SRR: variants seen among roughly 807,000 people sequenced by gnomAD.
The protein encoded by SRR is D-serine ammonia-lyase.
In SRR, 19 loss-of-function variants were observed where a neutral mutation model predicts 32.7. That is an observed-to-expected ratio of 0.58 (90% confidence interval 0.40 to 0.85). The LOEUF is 0.85. Ranked by LOEUF, SRR falls within the 40% of genes least tolerant of loss-of-function variation. The pLI is 0.00. For synonymous variants in SRR, 142 were observed against 140.9 expected (o/e 1.01, Z -0.06); for missense variants, 373 against 404.7 (o/e 0.92, Z 0.67).
intron 1 of SRR, among the ~76,000 whole-genome samples, 200 bp downstream of exon 1, chr17:2,304,217 A>ACCTT (rs1412492236): frequency 6.7e-6 from 1 of 150,256 alleles, no homozygotes; most frequent in Non-Finnish European, 1.5e-5. Flanking sequence ...ATTACTTGGG[A>ACCTT]CCTTGAAGAT....
At chr17:2,317,336 C>G (rs1415258336) in intron 2 of SRR, among the ~76,000 whole-genome samples, 1 of 151,404 alleles carries the variant, frequency 6.6e-6, no homozygotes, top group Non-Finnish European at 1.5e-5. Flanking sequence ...ACGGGGAAAC[C>G]CCGTCGCTAC....
At chr17:2,313,000 C>T (rs1167795406) in intron 1 of SRR, among the ~76,000 whole-genome samples, 1 of 152,170 alleles carries the variant, frequency 6.6e-6, no homozygotes, top group Non-Finnish European at 1.5e-5. Context: ...TATTCATAGA[C>T]GTGATAATAA....
At chr17:2,305,281 T>G (rs944272423) in intron 1 of SRR, among the ~76,000 whole-genome samples, 3 of 152,248 alleles carry the variant, frequency 2.0e-5, no homozygotes, top group Non-Finnish European at 4.4e-5. Flanking sequence ...CATTGCATGA[T>G]TTCTTTTTTC....
chr17:2,309,804 G>A (rs544912558), intron 1 of SRR: 1 of 152,268 alleles, frequency 6.6e-6, no homozygotes, highest in African/African-American at 2.4e-5. Flanking sequence ...CACTGGTCCT[G>A]GGCCAAGATG....
In SRR at chr17:2,325,238, CAA is replaced by C; in HGVS notation, c.*1366_*1367del. The C allele has an allele frequency of 1.7e-6, 2 of 1,197,588 alleles. No homozygotes were observed. 74.2% of individuals were successfully genotyped at this position (1,197,588 alleles called of 1,614,324 possible). ...CATTTGGCTCCCAAATTTAAATAAACAAGAGAAAACGGTGTTCATCTATTAAG... is the reference window on the plus strand; with the variant it reads ...CATTTGGCTCCCAAATTTAAATAAACGAGAAAACGGTGTTCATCTATTAAG... On this transcript the variant is annotated 3_prime_UTR_variant, in exon 8 of 8. Coordinates refer to ENST00000344595, the MANE Select transcript of SRR (RefSeq NM_021947.3).
At chr17:2,312,812 G>A (rs1246821704) in intron 1 of SRR, among the ~76,000 whole-genome samples, 1 of 152,120 alleles carries the variant, frequency 6.6e-6, no homozygotes. Context: ...CTACCCTAAG[G>A]ACTGACGGAG....
chr17:2,318,594 C>A lies in SRR; in HGVS notation c.296-232C>A, dbSNP rs566483310. Among the ~76,000 whole-genome samples the A allele has an allele frequency of 2.7e-5, 4 of 147,534 alleles. No homozygotes were observed. The East Asian group carries it at 6.0e-4, about 22-fold the overall frequency. ...ATTGTCCTGCCTCAGCCTGGGACTACAGGAGCCTGCCACCATGCCTGGCTA... is the reference window on the plus strand; with the variant it reads ...ATTGTCCTGCCTCAGCCTGGGACTAAAGGAGCCTGCCACCATGCCTGGCTA... On this transcript the variant is annotated intron_variant, in intron 3 of 7. Transcript: ENST00000344595.
rs137925717 is a variant in SRR, at chr17:2,310,932, G to C, written c.-4-4625G>C. 4.7e-3 allele frequency among the ~76,000 whole-genome samples: 718 copies of C among 152,098 alleles called. 7 individuals are homozygous for C. The highest frequency in any genetic ancestry group is 0.014 in the Middle Eastern group (4 of 294). On this transcript the variant is annotated intron_variant, in intron 1 of 7. Coordinates refer to ENST00000344595, the MANE Select transcript of SRR (RefSeq NM_021947.3). The stretch of plus-strand genomic sequence containing the variant: ...CGGCTAATTTTTTGTATTTTTAGTA[G>C]AGACAGGGTTTCACCATGTTAGCCA...
At chr17:2,321,748 G>A in intron 6 of SRR, 132 bp downstream of exon 6, 2 of 769,024 alleles carry the variant, frequency 2.6e-6, no homozygotes, top group Non-Finnish European at 4.4e-6. Flanking sequence ...GACTTGAGAT[G>A]AAGGCCCATC....
intron 4 of SRR, among the ~76,000 whole-genome samples, chr17:2,319,724 G>A (rs1207661210): frequency 6.6e-6 from 1 of 152,010 alleles, no homozygotes; most frequent in Non-Finnish European, 1.5e-5. Context: ...ATTCAATTCA[G>A]TAGCCAAACT....
chr17:2,323,781 G>A lies in SRR; in HGVS notation c.931G>A (p.Val311Met). ...VSPEVKNICI[V>M]LSGGNVDLTS... is the part of the protein sequence containing the mutation. ...CCCAGAAGTAAAGAACATTTGTATT[G>A]TGCTCAGTGGTGGAAATGTAGACTT... Residue 311 changes from valine to methionine, a missense_variant, in exon 8 of 8, where the codon GTG becomes ATG. By Grantham distance (21) the Val-to-Met change is conservative. Transcript: ENST00000344595. 2 of 1,614,166 alleles carry A rather than the reference G, an allele frequency of 1.2e-6. No individual in the cohort carries two copies.
Position 2,315,568 on chromosome 17 carries a change from C to G in SRR, c.8C>G (p.Ala3Gly). 6.2e-7 allele frequency: 1 copy of G among 1,612,962 alleles called. No homozygotes were observed. The highest frequency in any genetic ancestry group is 8.5e-7 in the Non-Finnish European group (1 of 1,179,574). ...TTCCTGGGTTTCAGAACCATGTGTG[C>G]TCAGTATTGCATCTCCTTTGCTGAT... MC[A>G]QYCISFADVE... Residue 3 changes from alanine to glycine, a missense_variant, in exon 2 of 8, where the codon GCT becomes GGT. Coordinates refer to ENST00000344595, the MANE Select transcript of SRR (RefSeq NM_021947.3).
At chr17:2,303,847 T>C, upstream of SRR, 1 of 760,928 alleles carries the variant, frequency 1.3e-6, no homozygotes, top group South Asian at 2.0e-5. Flanking sequence ...CCGCCCTCCC[T>C]TTCCGAACGA....
At position 2,318,912 on chromosome 17, in the gene SRR, T is replaced by C. The variant is rs1054934575; in HGVS notation, c.382T>C (p.Cys128Arg). Residue 128 changes from cysteine (C) to arginine (R), a missense_variant, in exon 4 of 8, where the codon TGT becomes CGT. Cys to Arg is a radical substitution (Grantham distance 180, BLOSUM62 -3). Transcript: ENST00000344595. The part of the protein sequence containing the change: ...IQAYGASIVY[C>R]EPSDESRENV... ...AGCCTACGGAGCGTCAATTGTATAC[T>C]GTGAACCTAGTGATGAGGTAAGGAG... 9 of 1,613,022 alleles carry C rather than the reference T, an allele frequency of 5.6e-6. No individual in the cohort carries two copies. The highest frequency in any genetic ancestry group is 1.1e-5 in the South Asian group (1 of 91,062).
At chr17:2,308,141 A>C (rs1473888747) in intron 1 of SRR, among the ~76,000 whole-genome samples, 1 of 152,030 alleles carries the variant, frequency 6.6e-6, no homozygotes, top group African/African-American at 2.4e-5. Context: ...TTTAGAAATT[A>C]TAATAATGAA....
chr17:2,323,397 C>T lies in SRR; in HGVS notation c.804+52C>T, dbSNP rs1245536348. 2.5e-6 allele frequency: 4 copies of T among 1,601,964 alleles called. No homozygotes were observed. The African/African-American group carries it at 5.4e-5, about 21-fold the overall frequency. On this transcript the variant is annotated intron_variant, in intron 7 of 7. Coordinates refer to ENST00000344595, the MANE Select transcript of SRR (RefSeq NM_021947.3). ...GCAAAGCATGGTGTAACTTCTTAGGCAGAAGAAACTTCCCTTAGGAGTAGC... is the reference window on the plus strand; with the variant it reads ...GCAAAGCATGGTGTAACTTCTTAGGTAGAAGAAACTTCCCTTAGGAGTAGC...
Position 2,321,465 on chromosome 17 carries a change from G to A in SRR, c.519+40G>A, listed in dbSNP as rs112057361. On this transcript the variant is annotated intron_variant, in intron 5 of 7. Transcript: ENST00000344595. ...TTCTTCCTGTTTAGCTACTGGTAAA[G>A]CTGTTGGGCTATATTCAATTATTTT... 102 of 1,612,220 alleles carry A rather than the reference G, an allele frequency of 6.3e-5. No individual in the cohort carries two copies. In the African/African-American group the frequency reaches 1.1e-3, roughly 17 times the overall value.
intron 2 of SRR, among the ~76,000 whole-genome samples, chr17:2,317,480 G>C (rs1372652094): frequency 4.7e-5 from 7 of 150,290 alleles, no homozygotes; most frequent in South Asian, 4.2e-4. Context: ...CCACTGCACT[G>C]CAGCCCGGGC....
rs1173427376 is a variant in SRR, at chr17:2,321,641, T to C, written c.594+25T>C. 7 of 1,607,916 alleles carry C rather than the reference T, an allele frequency of 4.4e-6. No individual in the cohort carries two copies. The East Asian group carries it at 6.7e-5, about 15-fold the overall frequency. The stretch of plus-strand genomic sequence containing the variant: ...GGTGAGCAGCTTCTGGAGGATTCCC[T>C]GCTTCAAGCAGAGGATTTACTTTAC... On this transcript the variant is annotated intron_variant, in intron 6 of 7. Transcript: ENST00000344595.
Sources: allele counts gnomAD v4.1 joint callset (sites outside exome capture counted in the v4.1 genomes callset), GRCh38; gene constraint gnomAD v4.1.1; transcripts MANE v1.5; gene names NCBI Gene and HGNC (gene_info 2026-07-23, HGNC 2026-07-21).